ZNF423: variants seen among roughly 807,000 people sequenced by gnomAD.
ZNF423 encodes Ebf-associated zinc finger protein.
ZNF423 carries 12 observed loss-of-function variants against 95.8 expected under a neutral mutation model. The observed-to-expected ratio is 0.13, with a 90% confidence interval of 0.08 to 0.20. The LOEUF (loss-of-function observed/expected upper bound fraction) is 0.20, where lower values mean the gene tolerates loss of function less well. Ranked by LOEUF, ZNF423 falls within the 10% of genes least tolerant of loss-of-function variation. ZNF423 has a pLI of 1.00. For missense variants in ZNF423, 1,316 were observed against 1,737.1 expected (o/e 0.76, Z 4.31); for synonymous variants, 749 against 711.9 (o/e 1.05, Z -0.83).
chr16:49,697,837 G>A (rs1440176449), intron 3 of ZNF423, among the ~76,000 whole-genome samples: 2 of 152,280 alleles, frequency 1.3e-5, no homozygotes, highest in Non-Finnish European at 2.9e-5. Context: ...GCATGAGCCC[G>A]CGGTGATGCG....
upstream of ZNF423, among the ~76,000 whole-genome samples, chr16:49,857,020 C>T (rs1480899896): frequency 6.7e-6 from 1 of 149,694 alleles, no homozygotes; most frequent in East Asian, 2.0e-4. The surrounding 1 kb of genome is among the most constrained non-coding windows in gnomAD (Gnocchi z 6.2). Context: ...CGCCCGCCAG[C>T]CTCCCTCGCG....
chr16:49,796,605 C>CG (rs1313060033), intron 1 of ZNF423, among the ~76,000 whole-genome samples: 5 of 152,120 alleles, frequency 3.3e-5, no homozygotes, highest in African/African-American at 7.2e-5. Context: ...CAGGAAAGCT[C>CG]GGGGGACAGA....
At chr16:49,818,904 T>A (rs1597038706) in intron 1 of ZNF423, among the ~76,000 whole-genome samples, 2 of 151,940 alleles carry the variant, frequency 1.3e-5, no homozygotes, top group African/African-American at 2.4e-5. Flanking sequence ...ATAATAATAA[T>A]AAATACATAT....
chr16:49,524,958 G>A (rs1178861006), intron 6 of ZNF423, among the ~76,000 whole-genome samples: 1 of 152,204 alleles, frequency 6.6e-6, no homozygotes, highest in Non-Finnish European at 1.5e-5. Context: ...GCCAGGGAAG[G>A]GGGAACCAGG....
chr16:49,829,283 G>T (rs1202615769), intron 1 of ZNF423, among the ~76,000 whole-genome samples: 1 of 152,172 alleles, frequency 6.6e-6, no homozygotes, highest in Admixed American at 6.5e-5. Context: ...GCTTTCCCAG[G>T]AGTGGGCTGG....
intron 5 of ZNF423, among the ~76,000 whole-genome samples, chr16:49,604,933 T>C (rs572806997): frequency 5.3e-5 from 8 of 152,034 alleles, no homozygotes; most frequent in Non-Finnish European, 1.0e-4. Context: ...AAAGGAACAG[T>C]TGAAAGAAAA....
At chr16:49,814,446 C>T (rs1052227102) in intron 1 of ZNF423, among the ~76,000 whole-genome samples, 3 of 151,224 alleles carry the variant, frequency 2.0e-5, no homozygotes, top group Middle Eastern at 6.8e-3. Flanking sequence ...GGAGGGCAAG[C>T]GGGACAGGGG....
rs74445746 is a variant in ZNF423 at position 49,797,026 on chromosome 16, C to T, written c.41-7480G>A. Among the ~76,000 whole-genome samples the T allele has an allele frequency of 5.3e-5, 8 of 152,118 alleles. No homozygotes were observed. In the East Asian group the frequency reaches 1.5e-3, roughly 29 times the overall value. On this transcript the variant is annotated intron_variant, in intron 1 of 7. Coordinates refer to ENST00000563137, the MANE Select transcript of ZNF423 (RefSeq NM_001379286.1). ...ACAACATCCCATGCCTCCCCAGAGACATCCCTGTCCCAGCAGAGGTGGTGG... is the reference window on the plus strand; with the variant it reads ...ACAACATCCCATGCCTCCCCAGAGATATCCCTGTCCCAGCAGAGGTGGTGG...
intron 2 of ZNF423, among the ~76,000 whole-genome samples, chr16:49,755,410 T>C (rs2033708048): frequency 6.6e-6 from 1 of 152,194 alleles, no homozygotes; most frequent in Non-Finnish European, 1.5e-5. Flanking sequence ...AACTCTTTAG[T>C]TCACAAGGAA....
In ZNF423 at chr16:49,636,227, G is replaced by A. The variant is rs748840936; in HGVS notation, c.2949C>T (p.Thr983=). 9.0e-5 allele frequency: 145 copies of A among 1,612,936 alleles called. No homozygotes were observed. The highest frequency in any genetic ancestry group is 1.1e-4 in the Non-Finnish European group (132 of 1,179,978). ...GERFPSLLTL[T]EHKVTHSKSL... ...TCTTGCTGTGGGTCACCTTGTGTTC[G>A]GTGAGCGTCAGCAGCGAAGGGAAGC... Residue 983 remains threonine (T), a synonymous_variant, in exon 4 of 8, where the codon ACC becomes ACT. Transcript: ENST00000563137. This position sits in a 1 kb window ranked among gnomAD's most constrained non-coding sequence, Gnocchi z 8.6.
intron 3 of ZNF423, among the ~76,000 whole-genome samples, chr16:49,675,640 C>A (rs138187455): frequency 2.1e-4 from 32 of 152,254 alleles, no homozygotes; most frequent in Non-Finnish European, 4.4e-4. Context: ...TTAAAACACA[C>A]CCAAGTGCTC....
intron 7 of ZNF423, among the ~76,000 whole-genome samples, chr16:49,512,576 C>G (rs1445054184): frequency 6.6e-6 from 1 of 152,214 alleles, no homozygotes; most frequent in East Asian, 1.9e-4. Context: ...CAGTAGAATT[C>G]AGGCTGTGCT....
At chr16:49,808,928 C>T (rs555104206) in intron 1 of ZNF423, among the ~76,000 whole-genome samples, 202 of 152,262 alleles carry the variant, frequency 1.3e-3, no homozygotes, top group African/African-American at 4.4e-3. Context: ...CCAGAAGACA[C>T]GGCCTCAGAA....
chr16:49,665,595 G>A (rs1197184669), intron 3 of ZNF423, among the ~76,000 whole-genome samples: 1 of 152,112 alleles, frequency 6.6e-6, no homozygotes, highest in Non-Finnish European at 1.5e-5. Context: ...GTGAGACTGA[G>A]GTCTCTGACA....
chr16:49,816,975 CTT>C (rs566850782), intron 1 of ZNF423, among the ~76,000 whole-genome samples: 44 of 152,292 alleles, frequency 2.9e-4, no homozygotes, highest in Non-Finnish European at 5.6e-4. Flanking sequence ...ACTGCAAAGG[CTT>C]TTGAGAGGGT....
chr16:49,689,686 G>A (rs1046422577), intron 3 of ZNF423, among the ~76,000 whole-genome samples: 17 of 152,062 alleles, frequency 1.1e-4, no homozygotes, highest in African/African-American at 3.9e-4. Flanking sequence ...GTGGCACCCC[G>A]GGGGCCCCAA....
chr16:49,743,137 G>A (rs777715555), intron 2 of ZNF423, among the ~76,000 whole-genome samples: 1 of 151,986 alleles, frequency 6.6e-6, no homozygotes, highest in Non-Finnish European at 1.5e-5. Flanking sequence ...AGGGAGCCCC[G>A]CTGCCGCCCG....
chr16:49,590,153 C>T (rs1970967485), intron 5 of ZNF423, among the ~76,000 whole-genome samples: 1 of 151,248 alleles, frequency 6.6e-6, no homozygotes, highest in Non-Finnish European at 1.5e-5. Context: ...ATTGATTTTC[C>T]CGCAGCAGAT....
rs78344825 is a variant in ZNF423, at chr16:49,740,934, C to T, written c.101-9963G>A. Among the ~76,000 whole-genome samples the T allele has an allele frequency of 6.2e-3, 944 of 152,318 alleles. 6 individuals carry two copies. The highest frequency in any genetic ancestry group is 0.022 in the African/African-American group (912 of 41,562). ...TCCAATTCCTTTGTATCTTTCGCCT[C>T]GTGACCCCCAGCCCCTGTCAGGGAG... On this transcript the variant is annotated intron_variant, in intron 2 of 7. Transcript: ENST00000563137.
Sources: gnomAD v4.1 joint callset for allele counts (sites outside exome capture counted in the v4.1 genomes callset) on GRCh38, gnomAD v4.1.1 for gene constraint, Gnocchi (gnomAD v3.1) non-coding constraint, MANE v1.5 for transcripts, NCBI Gene and HGNC (gene_info 2026-07-23, HGNC 2026-07-21) for gene names.